Variants in ITGAM observed in about 807,000 individuals in gnomAD.
ITGAM encodes integrin alpha-M.
A neutral mutation model predicts 137.5 loss-of-function variants in ITGAM; 79 were observed. The ratio of observed to expected loss-of-function variants is 0.57; its 90% confidence interval spans 0.48 to 0.69. The LOEUF is 0.69. Among genes scored for constraint, ITGAM ranks in the 30% least tolerant of loss-of-function variants. The pLI is 0.00. For synonymous variants in ITGAM, 583 were observed against 592.3 expected (o/e 0.98, Z 0.23); for missense variants, 1,343 against 1,483.5 (o/e 0.91, Z 1.56).
Position 31,325,506 on chromosome 16 carries a change from C to T in ITGAM, c.2512C>T (p.Arg838Cys), listed in dbSNP as rs752648557. 1.9e-6 allele frequency: 3 copies of T among 1,613,946 alleles called. No individual in the cohort carries two copies. Among genetic ancestry groups the T allele is most frequent in the East Asian group, 2.2e-5 (1 of 44,870 alleles). Residue 838 changes from arginine (R) to cysteine (C), a missense_variant, in exon 21 of 30, where the codon CGC becomes TGC. Arg to Cys is a radical substitution (Grantham distance 180). Transcript: ENST00000544665. Reference protein sequence around the residue: ...YRKVSTLQNQRSQRSWRLACE... With the variant: ...YRKVSTLQNQCSQRSWRLACE... The stretch of plus-strand genomic sequence containing the variant: ...TGCCTCCCCTGCCTTCCAGAACCAG[C>T]GCTCACAGCGATCCTGGCGCCTGGC...
At chr16:31,287,655 C>T (rs1054879416) in intron 12 of ITGAM, among the ~76,000 whole-genome samples, 6 of 151,928 alleles carry the variant, frequency 3.9e-5, no homozygotes, top group South Asian at 2.1e-4. Flanking sequence ...AAATTTTTGT[C>T]GGTGGTTCTC....
intron 14 of ITGAM, among the ~76,000 whole-genome samples, chr16:31,315,108 C>T (rs144999757): frequency 8.9e-4 from 136 of 152,006 alleles, no homozygotes; most frequent in African/African-American, 3.0e-3. Flanking sequence ...TCACCGAACC[C>T]GGCCCTCTTT....
intron 14 of ITGAM, among the ~76,000 whole-genome samples, chr16:31,314,001 A>G (rs1404833456): frequency 6.7e-6 from 1 of 148,844 alleles, no homozygotes; most frequent in African/African-American, 2.5e-5. Context: ...TTTTTTTCAT[A>G]TGTTTGTTGG....
chr16:31,328,126 G>A (rs747825980), intron 22 of ITGAM, 21 bp from the exon 23 acceptor site: 2 of 1,595,230 alleles, frequency 1.3e-6, no homozygotes, highest in Non-Finnish European at 1.7e-6. Flanking sequence ...GAGCCGGCTG[G>A]AGCTCTTTCT....
chr16:31,273,288 T>C (rs948883532), intron 7 of ITGAM, 77 bp from the exon 8 acceptor site: 2 of 1,280,356 alleles, frequency 1.6e-6, no homozygotes, highest in East Asian at 4.7e-5. Flanking sequence ...AGAGTGAGTG[T>C]CTATTTCTTA....
Position 31,297,790 on chromosome 16 carries a change from C to A in ITGAM, c.1543C>A (p.Gln515Lys). The part of the protein sequence containing the change: ...CDAVLYGEQG[Q>K]PWGRFGAALT... ...TGCTGTTCTCTACGGGGAGCAGGGC[C>A]AACCCTGGGGCCGCTTTGGGGCAGC... The change falls in exon 14 of 30, where the codon CAA becomes AAA. Residue 515 changes from glutamine to lysine, a missense_variant. Coordinates refer to ENST00000544665, the MANE Select transcript of ITGAM (RefSeq NM_000632.4). 1 of 1,607,308 alleles carries A rather than the reference C, an allele frequency of 6.2e-7. No homozygotes were observed. Among genetic ancestry groups the A allele is most frequent in the Middle Eastern group, 1.7e-4 (1 of 6,014 alleles).
At chr16:31,329,773 C>T (rs1353583813) in intron 24 of ITGAM, 25 bp from the exon 25 acceptor site, 3 of 1,541,566 alleles carry the variant, frequency 1.9e-6, no homozygotes, top group Admixed American at 3.9e-5. Context: ...AGGCCAGAGC[C>T]CTGACCCCGC....
At chr16:31,299,155 A>G (rs573752683) in intron 14 of ITGAM, among the ~76,000 whole-genome samples, 1 of 152,312 alleles carries the variant, frequency 6.6e-6, no homozygotes, top group Non-Finnish European at 1.5e-5. Context: ...GTACAATGTA[A>G]TACTGTCATC....
rs901282914 is a variant in ITGAM at position 31,332,622 on chromosome 16, A to G, written c.*915A>G. 6.7e-6 allele frequency: 1 copy of G among 149,384 alleles called. No homozygotes were observed. The highest frequency in any genetic ancestry group is 2.5e-5 in the African/African-American group (1 of 40,168). 9.3% of individuals were successfully genotyped at this position (149,384 alleles called of 1,614,324 possible). A position where few individuals can be genotyped will look rare whatever the true frequency, so the allele number is the denominator to read the frequency against. ...GTGTGCACACACACCACACATACACACACACAAGCTTTTTTACACAAATGG... is the reference window on the plus strand; with the variant it reads ...GTGTGCACACACACCACACATACACGCACACAAGCTTTTTTACACAAATGG... On this transcript the variant is annotated 3_prime_UTR_variant, in exon 30 of 30. Coordinates refer to ENST00000544665, the MANE Select transcript of ITGAM (RefSeq NM_000632.4).
At chr16:31,285,226 T>C (rs2080016106) in intron 12 of ITGAM, among the ~76,000 whole-genome samples, 1 of 152,166 alleles carries the variant, frequency 6.6e-6, no homozygotes, top group African/African-American at 2.4e-5. Flanking sequence ...ATACATAACA[T>C]AACTGGTTAG....
rs2079899551 is a variant in ITGAM, at chr16:31,275,696, G to A, written c.1006G>A (p.Glu336Lys). ...GCTTCGGGAGAAGATCTTTGCGATC[G>A]AGGGTGAGTCAGGCATCTGTGTTCC... ...NQLREKIFAI[E>K]GTQTGSSSSF... The change falls in exon 9 of 30, where the codon GAG (glutamate) becomes AAG (lysine). Residue 336 changes from glutamate (E) to lysine (K), a missense_variant. Physicochemically the swap from Glu to Lys is moderately conservative, Grantham distance 56 (BLOSUM62 1). Transcript: ENST00000544665. 1 of 1,613,580 alleles carries A rather than the reference G, an allele frequency of 6.2e-7. No individual in the cohort carries two copies.
chr16:31,270,699 G>GTGTGTATA (rs1477833816), intron 5 of ITGAM, among the ~76,000 whole-genome samples: 43 of 25,986 alleles, frequency 1.7e-3, no homozygotes, highest in African/African-American at 2.2e-3. Context: ...GTGTGTGTGT[G>GTGTGTATA]TATATATATA....
chr16:31,261,548 C>T, intron 1 of ITGAM, 144 bp from the exon 2 acceptor site: 1 of 478,452 alleles, frequency 2.1e-6, no homozygotes, highest in East Asian at 3.2e-5. Flanking sequence ...GATAGGATCT[C>T]TCTCTGTTGC....
Position 31,331,192 on chromosome 16 carries a change from G to A in ITGAM, c.3304G>A (p.Val1102Ile). 1 of 1,612,602 alleles carries A rather than the reference G, an allele frequency of 6.2e-7. No homozygotes were observed. Among genetic ancestry groups the A allele is most frequent in the Non-Finnish European group, 8.5e-7 (1 of 1,179,022 alleles). The change falls in exon 29 of 30, where the codon GTC (valine) becomes ATC (isoleucine). Residue 1102 changes from valine (V) to isoleucine (I), a missense_variant. Physicochemically the swap from Val to Ile is conservative, Grantham distance 29 (BLOSUM62 3). Transcript: ENST00000544665. Reference sequence around the variant, plus strand: ...GGAGACCAAAGTGGAGCCGTTCGAGGTCCCCAACCCCCTGCCGCTCATCGT... The same window carrying A: ...GGAGACCAAAGTGGAGCCGTTCGAGATCCCCAACCCCCTGCCGCTCATCGT... ...QTETKVEPFE[V>I]PNPLPLIVGS... is the part of the protein sequence containing the mutation.
chr16:31,288,821 A>T (rs549741957), intron 12 of ITGAM, among the ~76,000 whole-genome samples: 132 of 152,210 alleles, frequency 8.7e-4, no homozygotes, highest in Non-Finnish European at 8.4e-4. Context: ...GTGAACAGGC[A>T]ACCTACAGAA....
chr16:31,328,268 T>TG, intron 23 of ITGAM, 38 bp downstream of exon 23: 1 of 1,492,148 alleles, frequency 6.7e-7, no homozygotes, highest in Non-Finnish European at 9.4e-7. Flanking sequence ...CCTCCACTTC[T>TG]GGGCTGGACA....
At chr16:31,268,944 C>T (rs2079799737) in intron 5 of ITGAM, among the ~76,000 whole-genome samples, 1 of 152,174 alleles carries the variant, frequency 6.6e-6, no homozygotes, top group Non-Finnish European at 1.5e-5. Context: ...GCCGATTCAT[C>T]AAGACAGCAG....
At chr16:31,298,673 G>A (rs1273718167) in intron 14 of ITGAM, among the ~76,000 whole-genome samples, 1 of 152,208 alleles carries the variant, frequency 6.6e-6, no homozygotes, top group Non-Finnish European at 1.5e-5. Context: ...CTATGCGGTT[G>A]GCCACCTTAC....
At chr16:31,263,700 G>A (rs1182677570) in intron 2 of ITGAM, among the ~76,000 whole-genome samples, 1 of 145,588 alleles carries the variant, frequency 6.9e-6, no homozygotes, top group Non-Finnish European at 1.5e-5. Flanking sequence ...TACAAGCTTT[G>A]AGTACACTGA....
Sources: gnomAD v4.1 joint callset for allele counts (sites outside exome capture counted in the v4.1 genomes callset) on GRCh38, gnomAD v4.1.1 for gene constraint, MANE v1.5 for transcripts, NCBI Gene and HGNC (gene_info 2026-07-23, HGNC 2026-07-21) for gene names.